TRPM7: variants seen among roughly 807,000 people sequenced by gnomAD.
TRPM7 encodes the protein LTRPC ion channel family member 7.
Under a neutral mutation model 229.7 loss-of-function variants are expected in TRPM7, and 134 were observed. That is an observed-to-expected ratio of 0.58 (90% CI 0.51 to 0.67). The LOEUF is 0.67. Among genes scored for constraint, TRPM7 ranks in the 30% least tolerant of loss-of-function variants. TRPM7 has a pLI of 0.00. For missense variants in TRPM7, 1,901 were observed against 2,210.0 expected (o/e 0.86, Z 2.80); for synonymous variants, 699 against 715.2 (o/e 0.98, Z 0.36).
chr15:50,575,774 T>C lies in TRPM7; in HGVS notation c.4685A>G (p.Asn1562Ser), dbSNP rs1393196967. Reference sequence around the variant, plus strand: ...AATGCTCTGTGATAACCTCATCAAGTTATTTCTTTCCACAGCTGCATAAAA... The same window carrying C: ...AATGCTCTGTGATAACCTCATCAAGCTATTTCTTTCCACAGCTGCATAAAA... ...NYYYSAVERN[N>S]LMRLSQSIPF... Residue 1562 changes from asparagine (N) to serine (S), a missense_variant, in exon 33 of 39, where the codon AAC becomes AGC. This residue lies in a region of TRPM7 where 533 missense variants were observed against 497.1 expected (regional missense o/e 1.07). Transcript: ENST00000646667. 1.9e-6 allele frequency: 3 copies of C among 1,613,566 alleles called. No individual in the cohort carries two copies. The highest frequency in any genetic ancestry group is 2.5e-6 in the Non-Finnish European group (3 of 1,179,766).
Position 50,623,974 on chromosome 15 carries a change from G to A in TRPM7, c.1440+192C>T, listed in dbSNP as rs2060490797. Among the ~76,000 whole-genome samples, 3 of 152,238 alleles carry A rather than the reference G, an allele frequency of 2.0e-5. No homozygotes were observed. The South Asian group carries it at 6.2e-4, about 32-fold the overall frequency. On this transcript the variant is annotated intron_variant, in intron 12 of 38. Coordinates refer to ENST00000646667, the MANE Select transcript of TRPM7 (RefSeq NM_017672.6). ...AGCCCTATGTGGTTATGGTGACAGG[G>A]AATGGGTTCTAAAAACAAGGAAAGG...
chr15:50,567,777 A>G (rs1213639934), intron 38 of TRPM7, among the ~76,000 whole-genome samples: 4 of 152,170 alleles, frequency 2.6e-5, no homozygotes, highest in East Asian at 3.9e-4. Flanking sequence ...ATATCCATTC[A>G]AGATAAATAT....
chr15:50,655,701 T>C (rs1030011630), intron 3 of TRPM7, among the ~76,000 whole-genome samples: 9 of 152,058 alleles, frequency 5.9e-5, no homozygotes, highest in African/African-American at 2.2e-4. Flanking sequence ...ATGACACCTT[T>C]AAAGTGCTGC....
At chr15:50,654,628 T>C (rs1189066867) in intron 3 of TRPM7, among the ~76,000 whole-genome samples, 1 of 151,340 alleles carries the variant, frequency 6.6e-6, no homozygotes, top group African/African-American at 2.4e-5. Context: ...ATGGTGCATC[T>C]CAGCAGTAAA....
chr15:50,614,152 T>C lies in TRPM7; in HGVS notation c.1606A>G (p.Ile536Val), dbSNP rs1216588977. ...CTYTRKRFRLIYNSLGGNNRR... is the reference protein window; with the variant it reads ...CTYTRKRFRLVYNSLGGNNRR... ...TTATTTCCACCAAGACTATTATATATTAATCGAAAACGTTTCCTAGTATAG... is the reference window on the plus strand; with the variant it reads ...TTATTTCCACCAAGACTATTATATACTAATCGAAAACGTTTCCTAGTATAG... Residue 536 changes from isoleucine to valine, a missense_variant, in exon 14 of 39, where the codon ATA becomes GTA. This residue lies in a region of TRPM7 where 794 missense variants were observed against 881.9 expected (regional missense o/e 0.90). Transcript: ENST00000646667. 3.7e-6 allele frequency: 6 copies of C among 1,611,182 alleles called. No homozygotes were observed. The highest frequency in any genetic ancestry group is 2.2e-5 in the East Asian group (1 of 44,848).
intron 29 of TRPM7, among the ~76,000 whole-genome samples, chr15:50,582,108 T>A (rs756618795): frequency 2.0e-5 from 3 of 152,090 alleles, no homozygotes; most frequent in Non-Finnish European, 4.4e-5. Flanking sequence ...ATTACAGGCA[T>A]GTGCCACCAC....
intron 3 of TRPM7, among the ~76,000 whole-genome samples, chr15:50,654,678 C>T (rs1235599571): frequency 6.6e-6 from 1 of 151,134 alleles, no homozygotes; most frequent in Non-Finnish European, 1.5e-5. Context: ...AATCCTAGCA[C>T]TGAAAAATGT....
Position 50,643,196 on chromosome 15 carries a change from G to A in TRPM7, c.535+144C>T, listed in dbSNP as rs552815558. 16 of 631,016 alleles carry A rather than the reference G, an allele frequency of 2.5e-5. No homozygotes were observed. In the African/African-American group the frequency reaches 2.9e-4, roughly 12 times the overall value. The allele number at this position is 631,016 out of a possible 1,614,324, so 39.1% of individuals were successfully genotyped here. ...CCCAGCTACTCTGGAGGCTGAGGCAGGAGAATTGCTTGAGCCCGGGAGGCA... is the reference window on the plus strand; with the variant it reads ...CCCAGCTACTCTGGAGGCTGAGGCAAGAGAATTGCTTGAGCCCGGGAGGCA... On this transcript the variant is annotated intron_variant, in intron 5 of 38. Coordinates refer to ENST00000646667, the MANE Select transcript of TRPM7 (RefSeq NM_017672.6).
intron 1 of TRPM7, among the ~76,000 whole-genome samples, chr15:50,677,037 G>A (rs1313417629): frequency 1.3e-5 from 2 of 152,078 alleles, no homozygotes; most frequent in South Asian, 2.1e-4. Context: ...TGTCTTAGTC[G>A]GCTTGGGATG....
At chr15:50,662,375 T>G (rs1596329248) in intron 2 of TRPM7, among the ~76,000 whole-genome samples, 1 of 151,556 alleles carries the variant, frequency 6.6e-6, no homozygotes, top group African/African-American at 2.4e-5. Context: ...AATGTTTAAG[T>G]AAATATTTCA....
chr15:50,574,139 T>C (rs2054025325), intron 36 of TRPM7, 135 bp downstream of exon 36: 5 of 690,742 alleles, frequency 7.2e-6, no homozygotes, highest in Non-Finnish European at 1.2e-5. Flanking sequence ...GCTATGACTG[T>C]GATTAACTTG....
intron 13 of TRPM7, among the ~76,000 whole-genome samples, chr15:50,617,070 A>G (rs910453531): frequency 2.0e-5 from 3 of 151,792 alleles, no homozygotes; most frequent in African/African-American, 7.3e-5. Context: ...TGGGTGGATC[A>G]CCTGAGGTCA....
At chr15:50,627,136 T>C (rs1019489393) in intron 11 of TRPM7, among the ~76,000 whole-genome samples, 7 of 152,164 alleles carry the variant, frequency 4.6e-5, no homozygotes, top group African/African-American at 1.4e-4. Flanking sequence ...AAACTTTAAG[T>C]GATTACTACC....
intron 2 of TRPM7, among the ~76,000 whole-genome samples, chr15:50,658,500 G>A (rs1042046482): frequency 2.0e-5 from 3 of 151,344 alleles, no homozygotes; most frequent in Non-Finnish European, 4.4e-5. Flanking sequence ...AGCATGGGAG[G>A]TCGAGGCTAA....
rs762140876 is a variant in TRPM7, at chr15:50,614,207, T to C, written c.1551A>G (p.Glu517=). ...ATCTGTAGGTTCCTCCCATGAGATA[T>C]TCAATAACAAGTCCTATATCAATCA... ...ITLIDIGLVI[E]YLMGGTYRCT... is the part of the protein sequence containing the mutation. The change falls in exon 14 of 39, where the codon GAA becomes GAG. Residue 517 remains glutamate (E), a synonymous_variant. Coordinates refer to ENST00000646667, the MANE Select transcript of TRPM7 (RefSeq NM_017672.6). The C allele has an allele frequency of 1.2e-6, 2 of 1,613,042 alleles. No individual in the cohort carries two copies.
intron 26 of TRPM7, among the ~76,000 whole-genome samples, chr15:50,591,110 A>T (rs927960987): frequency 6.6e-6 from 1 of 152,184 alleles, no homozygotes; most frequent in Non-Finnish European, 1.5e-5. Flanking sequence ...AGAATAAGTC[A>T]TTCCTTTTTG....
At chr15:50,607,592 A>G (rs1283448397) in intron 19 of TRPM7, among the ~76,000 whole-genome samples, 1 of 152,192 alleles carries the variant, frequency 6.6e-6, no homozygotes, top group Non-Finnish European at 1.5e-5. Flanking sequence ...AAGGGATTTT[A>G]CAATCAGGTT....
At chr15:50,645,113 C>G (rs960335046) in intron 4 of TRPM7, among the ~76,000 whole-genome samples, 16 of 152,276 alleles carry the variant, frequency 1.1e-4, no homozygotes, top group Middle Eastern at 6.8e-3. Context: ...CCATGTTGCC[C>G]AGGCTGGTCT....
At chr15:50,604,705 G>T in intron 21 of TRPM7, 161 bp downstream of exon 21, 1 of 675,844 alleles carries the variant, frequency 1.5e-6, no homozygotes, top group Non-Finnish European at 2.5e-6. Context: ...TTGGGATTGA[G>T]CATGAGAAAC....
Sources: gnomAD v4.1 joint callset for allele counts (sites outside exome capture counted in the v4.1 genomes callset) on GRCh38, gnomAD v4.1.1 for gene constraint, gnomAD v4.1.1 regional missense constraint, MANE v1.5 for transcripts, NCBI Gene and HGNC (gene_info 2026-07-23, HGNC 2026-07-21) for gene names.